The following ZZEF1 variants were observed in gnomAD, a reference collection of about 807,000 sequenced individuals.
ZZEF1 encodes zinc finger ZZ-type and EF-hand domain-containing protein 1.
A neutral mutation model predicts 342.8 loss-of-function variants in ZZEF1; 157 were observed. That is an observed-to-expected ratio of 0.46 (90% CI 0.40 to 0.52). The LOEUF (loss-of-function observed/expected upper bound fraction) is 0.52. ZZEF1 is among the 20% of genes least tolerant of loss of function. The probability of loss-of-function intolerance (pLI) is 0.00; values close to 1 mark genes in which losing one functional copy is unlikely to be tolerated. For missense variants in ZZEF1, 3,480 were observed against 3,725.6 expected, an observed-to-expected ratio of 0.93 and a Z score of 1.72; for synonymous variants, 1,505 against 1,429.1, an observed-to-expected ratio of 1.05 and a Z score of -1.20.
At position 4,025,051 on chromosome 17, in the gene ZZEF1, G is replaced by A. The variant is rs138414828; in HGVS notation, c.6960C>T (p.Ser2320=). The change falls in exon 43 of 55, where the codon AGC becomes AGT. Residue 2320 remains serine (S), a synonymous_variant. Transcript: ENST00000381638. ...QECGDSRAQL[S]QYSQHFAFIA... ...TAAAGGCAAAGTGCTGGGAGTACTG[G>A]CTCAGCTGGGCCCGAGAGTCACCAC... is the stretch of plus-strand genomic sequence containing the variant. 1,661 of 1,614,196 alleles carry A rather than the reference G, an allele frequency of 1.0e-3. 19 individuals carry two copies. In the South Asian group the frequency reaches 0.016, roughly 15 times the overall value.
chr17:4,034,286 T>A lies in ZZEF1; in HGVS notation c.6313A>T (p.Thr2105Ser). ...AMLPPLKSGP[T>S]VPLIDLEHVL... The stretch of plus-strand genomic sequence containing the variant: ...TGCTCCAGGTCTATCAGGGGAACCG[T>A]GGGGCCCTGCCAAGAGAGGGAGAGA... Residue 2105 changes from threonine (T) to serine (S), a missense_variant, in exon 40 of 55, where the codon ACG (threonine) becomes TCG (serine). Thr to Ser is a moderately conservative substitution (Grantham distance 58). Around this residue, in one of 5 missense-constraint regions of ZZEF1, gnomAD observed 1,269 missense variants for 1,342.4 expected, o/e 0.95. Coordinates refer to ENST00000381638, the MANE Select transcript of ZZEF1 (RefSeq NM_015113.4). 6.2e-7 allele frequency: 1 copy of A among 1,614,070 alleles called. No homozygotes were observed. The highest frequency in any genetic ancestry group is 8.5e-7 in the Non-Finnish European group (1 of 1,179,902).
At chr17:4,072,797 T>A in intron 24 of ZZEF1, 41 bp from the exon 25 acceptor site, 1 of 1,539,392 alleles carries the variant, frequency 6.5e-7, no homozygotes, top group East Asian at 2.3e-5. Flanking sequence ...TATTTTTGCC[T>A]TAATATATTG....
chr17:4,018,586 A>G (rs889999473), intron 46 of ZZEF1, among the ~76,000 whole-genome samples: 9 of 152,268 alleles, frequency 5.9e-5, no homozygotes, highest in African/African-American at 1.9e-4. Flanking sequence ...AGTGAGGTAC[A>G]GAAACAGCTG....
At chr17:4,067,673 G>T (rs1354187169) in intron 26 of ZZEF1, among the ~76,000 whole-genome samples, 1 of 152,110 alleles carries the variant, frequency 6.6e-6, no homozygotes, top group Non-Finnish European at 1.5e-5. Flanking sequence ...TTTAAAACAT[G>T]GAAGCCAAGT....
intron 11 of ZZEF1, among the ~76,000 whole-genome samples, chr17:4,093,868 G>A (rs2057988855): frequency 6.6e-6 from 1 of 152,054 alleles, no homozygotes; most frequent in Non-Finnish European, 1.5e-5. Context: ...CCTTATCCAA[G>A]GGGGCACCAG....
intron 1 of ZZEF1, among the ~76,000 whole-genome samples, chr17:4,125,932 A>G (rs1395322328): frequency 6.6e-6 from 1 of 152,198 alleles, no homozygotes; most frequent in Non-Finnish European, 1.5e-5. Context: ...ATGGGCATAA[A>G]GATGGGTTAG....
In ZZEF1 at chr17:4,064,534, C is replaced by G; in HGVS notation, c.4545G>C (p.Glu1515Asp). The stretch of plus-strand genomic sequence containing the variant: ...GGGTGGGTGTGGAAGGTGACAAGGG[C>G]TCTTCAGCTGTGGCAGGGGACACGT... ...AADVSPATAEEPLSPSTPTRR... is the reference protein window; with the variant it reads ...AADVSPATAEDPLSPSTPTRR... Residue 1515 changes from glutamate (E) to aspartate (D), a missense_variant, in exon 29 of 55, where the codon GAG (glutamate) becomes GAC (aspartate). Coordinates refer to ENST00000381638, the MANE Select transcript of ZZEF1 (RefSeq NM_015113.4). 2 of 1,614,174 alleles carry G rather than the reference C, an allele frequency of 1.2e-6. No individual in the cohort carries two copies. The highest frequency in any genetic ancestry group is 1.7e-6 in the Non-Finnish European group (2 of 1,180,028).
intron 53 of ZZEF1, 134 bp from the exon 54 acceptor site, chr17:4,009,088 C>T (rs532380396): frequency 1.4e-5 from 15 of 1,104,852 alleles, no homozygotes; most frequent in Middle Eastern, 6.1e-4. Flanking sequence ...CCCAGCACCG[C>T]GTGGCACTGC....
At chr17:4,081,298 G>C in intron 18 of ZZEF1, 78 bp downstream of exon 18, 3 of 1,170,452 alleles carry the variant, frequency 2.6e-6, no homozygotes, top group Admixed American at 1.9e-5. Flanking sequence ...AAGAGGCAAA[G>C]GGGGGCACAA....
intron 15 of ZZEF1, 70 bp downstream of exon 15, chr17:4,086,416 T>C (rs765225006): frequency 2.6e-6 from 4 of 1,538,386 alleles, no homozygotes; most frequent in Non-Finnish European, 3.6e-6. Context: ...GACAGCCCTC[T>C]TCTCTATAGC....
intron 52 of ZZEF1, among the ~76,000 whole-genome samples, chr17:4,011,430 C>T (rs1406995041): frequency 6.6e-6 from 1 of 151,926 alleles, no homozygotes; most frequent in African/African-American, 2.4e-5. Flanking sequence ...CGATGACTAC[C>T]ATTGTTATGA....
intron 33 of ZZEF1, among the ~76,000 whole-genome samples, chr17:4,054,534 G>C (rs773152864): frequency 2.6e-5 from 4 of 152,188 alleles, no homozygotes; most frequent in Non-Finnish European, 4.4e-5. Context: ...ACGGGTCGGG[G>C]TAAGGGAGGT....
chr17:4,099,995 G>C (rs1190130212), intron 9 of ZZEF1, among the ~76,000 whole-genome samples: 3 of 152,170 alleles, frequency 2.0e-5, no homozygotes, highest in African/African-American at 7.2e-5. Context: ...GGAGCACCCA[G>C]TATTCCTTTA....
In ZZEF1 at chr17:4,081,479, G is replaced by A. The variant is rs1043541495; in HGVS notation, c.2726C>T (p.Pro909Leu). The A allele has an allele frequency of 6.2e-7, 1 of 1,613,936 alleles. No homozygotes were observed. The highest frequency in any genetic ancestry group is 1.7e-5 in the Admixed American group (1 of 60,006). Residue 909 changes from proline (P) to leucine (L), a missense_variant, in exon 18 of 55, where the codon CCA becomes CTA. Coordinates refer to ENST00000381638, the MANE Select transcript of ZZEF1 (RefSeq NM_015113.4). ...SLCTYFSDKD[P>L]GGLLLLPEKN... ...CTCAGGTAAAAGAAGAAGGCCGCCT[G>A]GATCCTTGTCACTGAAAGGATACAA...
chr17:4,082,610 G>A, intron 16 of ZZEF1, 106 bp from the exon 17 acceptor site: 1 of 1,062,748 alleles, frequency 9.4e-7, no homozygotes, highest in Non-Finnish European at 1.4e-6. Context: ...CAAGTATGAG[G>A]AATGCCAGGC....
intron 8 of ZZEF1, among the ~76,000 whole-genome samples, chr17:4,103,390 A>T (rs975290777): frequency 9.9e-5 from 15 of 151,156 alleles, no homozygotes; most frequent in South Asian, 2.1e-4. Flanking sequence ...AAAAAAAAAA[A>T]TTTTTAACTA....
intron 2 of ZZEF1, 38 bp from the exon 3 acceptor site, chr17:4,117,204 G>T: frequency 6.4e-7 from 1 of 1,557,446 alleles, no homozygotes; most frequent in Non-Finnish European, 8.8e-7. Context: ...TTTTGGGGAA[G>T]CCACAGTAGT....
chr17:4,110,567 G>A (rs1008294826), intron 5 of ZZEF1, among the ~76,000 whole-genome samples: 6 of 152,082 alleles, frequency 3.9e-5, no homozygotes, highest in Non-Finnish European at 7.4e-5. Flanking sequence ...GAAGCATTCC[G>A]GCTCCCTGAA....
At chr17:4,056,667 GTTATTA>G (rs10596346) in intron 32 of ZZEF1, 21 of 152,712 alleles carry the variant, frequency 1.4e-4, no homozygotes, top group South Asian at 4.2e-4. Flanking sequence ...GCCAAATAAA[GTTATTA>G]TTATTATTAT....
Sources: allele counts gnomAD v4.1 joint callset (sites outside exome capture counted in the v4.1 genomes callset), GRCh38; gene constraint gnomAD v4.1.1; regional missense constraint gnomAD v4.1.1; transcripts MANE v1.5; gene names NCBI Gene and HGNC (gene_info 2026-07-23, HGNC 2026-07-21).